Variants in EXOC6 observed in about 807,000 individuals in gnomAD.
EXOC6 encodes the protein exocyst complex component 6.
Under a neutral mutation model 112.5 loss-of-function variants are expected in EXOC6, and 60 were observed. The observed-to-expected ratio is 0.53, with a 90% confidence interval of 0.43 to 0.66. The LOEUF is 0.66. Among genes scored for constraint, EXOC6 ranks in the 30% least tolerant of loss-of-function variants. The pLI, the probability that EXOC6 is intolerant of heterozygous loss-of-function variation, is 0.00. For missense variants in EXOC6, 855 were observed against 957.1 expected (o/e 0.89, Z 1.41); for synonymous variants, 295 against 308.0 (o/e 0.96, Z 0.44).
chr10:93,016,554 A>G (rs867250318), intron 20 of EXOC6, among the ~76,000 whole-genome samples: 3 of 152,334 alleles, frequency 2.0e-5, no homozygotes, highest in South Asian at 2.1e-4. Flanking sequence ...TATTCCGGAA[A>G]GGGCCCCTGG....
chr10:92,837,770 C>T (rs1846708824), intron 1 of EXOC6, among the ~76,000 whole-genome samples: 1 of 152,058 alleles, frequency 6.6e-6, no homozygotes. Context: ...CCTTGAGGCC[C>T]CGGAATGAAC....
chr10:92,969,527 C>T (rs1043663607), intron 17 of EXOC6, among the ~76,000 whole-genome samples: 11 of 152,174 alleles, frequency 7.2e-5, no homozygotes, highest in African/African-American at 2.4e-4. Context: ...AATACTTCTT[C>T]TAGATTCCTA....
intron 13 of EXOC6, 114 bp from the exon 14 acceptor site, chr10:92,948,160 A>T: frequency 1.7e-6 from 1 of 601,932 alleles, no homozygotes; most frequent in Non-Finnish European, 2.9e-6. Context: ...TTGGACCTTT[A>T]ATAGACAAGT....
chr10:92,901,616 G>A (rs1850172966), intron 5 of EXOC6: 1 of 142,232 alleles, frequency 7.0e-6, no homozygotes, highest in Non-Finnish European at 1.5e-5. Flanking sequence ...CTCTCATTGT[G>A]CCTTTTTTTT....
intron 4 of EXOC6, among the ~76,000 whole-genome samples, chr10:92,896,035 GTATATATATGTGTATATATATGTGTA>G (rs1564809385): frequency 3.7e-5 from 4 of 107,666 alleles, no homozygotes; most frequent in African/African-American, 1.4e-4. Flanking sequence ...ATATATGTGT[GTATATATATGTGTATATATATGTGTA>G]TATATATGTG....
chr10:93,056,040 G>T (rs1426534283), intron 20 of EXOC6, among the ~76,000 whole-genome samples: 2 of 152,070 alleles, frequency 1.3e-5, no homozygotes, highest in Non-Finnish European at 2.9e-5. Flanking sequence ...AAAACAAAAA[G>T]AAAGAATATA....
At chr10:93,012,918 C>A (rs1564910009) in intron 19 of EXOC6, among the ~76,000 whole-genome samples, 1 of 152,010 alleles carries the variant, frequency 6.6e-6, no homozygotes, top group Non-Finnish European at 1.5e-5. Context: ...TGTGGAGATG[C>A]ATGCCTGTAG....
chr10:92,839,111 G>A (rs2133582861), intron 1 of EXOC6, among the ~76,000 whole-genome samples: 1 of 151,952 alleles, frequency 6.6e-6, no homozygotes, highest in East Asian at 1.9e-4. Context: ...ATATTGGTAG[G>A]CTGAAACTTA....
chr10:92,918,349 A>G (rs1354040530), intron 7 of EXOC6, among the ~76,000 whole-genome samples: 1 of 151,896 alleles, frequency 6.6e-6, no homozygotes, highest in Non-Finnish European at 1.5e-5. Context: ...TAGTTGAACC[A>G]TACGACTATG....
At chr10:92,885,272 CAA>C (rs1462764227) in intron 1 of EXOC6, among the ~76,000 whole-genome samples, 1 of 151,810 alleles carries the variant, frequency 6.6e-6, no homozygotes, top group African/African-American at 2.4e-5. Flanking sequence ...TTTTGAGACA[CAA>C]AGTATTTTTA....
intron 1 of EXOC6, among the ~76,000 whole-genome samples, chr10:92,864,939 T>C (rs1848106339): frequency 6.6e-6 from 1 of 152,196 alleles, no homozygotes; most frequent in East Asian, 1.9e-4. Flanking sequence ...TCTTTATATA[T>C]CCTATTAGTT....
chr10:92,996,423 C>G (rs759447100), intron 18 of EXOC6, among the ~76,000 whole-genome samples: 21 of 152,226 alleles, frequency 1.4e-4, no homozygotes, highest in Non-Finnish European at 2.8e-4. Context: ...CGAGACCATC[C>G]TGGCTAACAT....
exon 1 of EXOC6, chr10:92,834,814 G>A: frequency 1.9e-6 from 3 of 1,604,452 alleles, no homozygotes; most frequent in Non-Finnish European, 2.6e-6. Context: ...GCCTGTTGAA[G>A]CTACTTTAAG....
intron 1 of EXOC6, among the ~76,000 whole-genome samples, chr10:92,874,377 T>C (rs1032023360): frequency 2.0e-5 from 3 of 152,088 alleles, no homozygotes; most frequent in African/African-American, 7.2e-5. Context: ...TTGACCCTTA[T>C]TTCTGGATTA....
chr10:92,926,462 G>A (rs527388465), intron 8 of EXOC6, among the ~76,000 whole-genome samples: 1 of 151,164 alleles, frequency 6.6e-6, no homozygotes, highest in Middle Eastern at 3.4e-3. Context: ...CTCTATATTT[G>A]TATATTTTAT....
intron 1 of EXOC6, among the ~76,000 whole-genome samples, chr10:92,876,204 T>C (rs1002582290): frequency 1.1e-4 from 16 of 152,230 alleles, no homozygotes; most frequent in Admixed American, 9.8e-4. Flanking sequence ...TGAAATTTTA[T>C]GAAAAATAAT....
intron 1 of EXOC6, among the ~76,000 whole-genome samples, chr10:92,836,706 A>G (rs1191900061): frequency 1.3e-5 from 2 of 152,132 alleles, no homozygotes; most frequent in East Asian, 1.9e-4. Flanking sequence ...TTAGATGAAG[A>G]TTTCTTAGAT....
chr10:92,943,711 T>TG (rs1244214936), intron 13 of EXOC6, among the ~76,000 whole-genome samples: 1 of 75,500 alleles, frequency 1.3e-5, no homozygotes, highest in Admixed American at 1.3e-4. Context: ...CACGTACTTA[T>TG]TTTTTTTTTT....
chr10:92,948,576 T>TACTACC (rs1554900806), intron 14 of EXOC6, among the ~76,000 whole-genome samples, 197 bp downstream of exon 14: 13 of 137,634 alleles, frequency 9.4e-5, no homozygotes, highest in Admixed American at 1.4e-4. Flanking sequence ...CTACTACCAC[T>TACTACC]ACTACTACTA....
Sources: allele counts gnomAD v4.1 joint callset (sites outside exome capture counted in the v4.1 genomes callset), GRCh38; gene constraint gnomAD v4.1.1; transcripts MANE v1.5; gene names NCBI Gene and HGNC (gene_info 2026-07-23, HGNC 2026-07-21).